The following ZMYM2 variants were observed in gnomAD, a reference collection of about 807,000 sequenced individuals.
The protein encoded by ZMYM2 is zinc finger MYM-type containing 2, also known as zinc finger MYM-type protein 2.
In ZMYM2, 56 loss-of-function variants were observed where a neutral mutation model predicts 162.8. That is an observed-to-expected ratio of 0.34 (90% confidence interval 0.28 to 0.43). The LOEUF is 0.43. ZMYM2 is among the 20% of genes least tolerant of loss of function. The pLI is 1.00. For synonymous variants in ZMYM2, 510 were observed against 541.6 expected, an observed-to-expected ratio of 0.94 and a Z score of 0.81; for missense variants, 1,275 against 1,621.8, an observed-to-expected ratio of 0.79 and a Z score of 3.67.
At chr13:20,052,176 T>C (rs1414940045) in intron 13 of ZMYM2, 101 bp from the exon 14 acceptor site, 1 of 947,594 alleles carries the variant, frequency 1.1e-6, no homozygotes, top group South Asian at 1.9e-5. Flanking sequence ...ATATTTTCTT[T>C]AGTCACATTT....
the ZMYM2 span, chr13:19,864,812 C>G: frequency 1.3e-5 from 2 of 152,360 alleles, no homozygotes; most frequent in South Asian, 4.1e-4. Context: ...AGGGCGGGCC[C>G]CACAGGCCAC....
chr13:20,059,391 C>T, intron 15 of ZMYM2, 56 bp from the exon 16 acceptor site: 1 of 1,570,288 alleles, frequency 6.4e-7, no homozygotes, highest in Non-Finnish European at 8.6e-7. Flanking sequence ...TAACATTGAG[C>T]ACCTGTATAT....
intron 2 of ZMYM2, among the ~76,000 whole-genome samples, chr13:19,976,731 T>C (rs1956829964): frequency 6.6e-6 from 1 of 152,240 alleles, no homozygotes; most frequent in Non-Finnish European, 1.5e-5. Flanking sequence ...ATAGCGTGTG[T>C]CAGAATTTTC....
chr13:19,972,547 T>C (rs1318130930), intron 2 of ZMYM2, among the ~76,000 whole-genome samples: 1 of 152,140 alleles, frequency 6.6e-6, no homozygotes, highest in Non-Finnish European at 1.5e-5. Flanking sequence ...TGTCGTGAAG[T>C]ATTTAATGGC....
At chr13:19,931,307 A>G in the ZMYM2 span, among the ~76,000 whole-genome samples, 1 of 152,018 alleles carries the variant, frequency 6.6e-6, no homozygotes. Context: ...TCAGTTGAAC[A>G]TACAACTCAT....
At chr13:20,053,396 C>T (rs1212875388) in intron 14 of ZMYM2, among the ~76,000 whole-genome samples, 1 of 152,186 alleles carries the variant, frequency 6.6e-6, no homozygotes, top group African/African-American at 2.4e-5. Context: ...CACGATGGCT[C>T]ACGCCTGTAA....
chr13:19,995,206 ACATAT>A (rs1949927244), intron 3 of ZMYM2, among the ~76,000 whole-genome samples: 1 of 152,062 alleles, frequency 6.6e-6, no homozygotes, highest in Non-Finnish European at 1.5e-5. Context: ...AGAAAGCCAA[ACATAT>A]CATCCTTTTT....
chr13:20,049,329 T>TA (rs944258012), intron 12 of ZMYM2, among the ~76,000 whole-genome samples: 16 of 151,964 alleles, frequency 1.1e-4, no homozygotes, highest in African/African-American at 3.6e-4. Context: ...GTTGATTCTA[T>TA]AAAAACCAAG....
chr13:20,082,897 C>T lies in ZMYM2; in HGVS notation c.3685C>T (p.Leu1229=). The change falls in exon 23 of 25, where the codon CTG becomes TTG. Residue 1229 remains leucine (L), a synonymous_variant. Coordinates refer to ENST00000610343, the MANE Select transcript of ZMYM2 (RefSeq NM_197968.4). The part of the protein sequence containing the change: ...LFYFNTKYFG[L]KTVEQHLRLS... ...CTACTTTAACACTAAGTATTTTGGCCTGAAAACAGTGGAACAACACTTAAG... is the reference window on the plus strand; with the variant it reads ...CTACTTTAACACTAAGTATTTTGGCTTGAAAACAGTGGAACAACACTTAAG... 2 of 1,613,812 alleles carry T rather than the reference C, an allele frequency of 1.2e-6. No homozygotes were observed. The highest frequency in any genetic ancestry group is 1.6e-4 in the Middle Eastern group (1 of 6,062).
chr13:19,950,594 A>G, the ZMYM2 span, among the ~76,000 whole-genome samples: 1 of 152,194 alleles, frequency 6.6e-6, no homozygotes, highest in Non-Finnish European at 1.5e-5. Flanking sequence ...CTTTAACTTT[A>G]CTTTTTCTAC....
chr13:20,071,010 C>T (rs9506422), intron 21 of ZMYM2: 147,091 of 152,844 alleles, frequency 0.96, 71,032 homozygotes, highest in East Asian at 1. Context: ...TCTGGAAGAA[C>T]TTGCACTGCC....
At chr13:20,004,012 T>C (rs1950569520) in intron 4 of ZMYM2, among the ~76,000 whole-genome samples, 1 of 152,188 alleles carries the variant, frequency 6.6e-6, no homozygotes, top group Non-Finnish European at 1.5e-5. Flanking sequence ...GTATGTTATA[T>C]GCAAGGTAAA....
intron 9 of ZMYM2, among the ~76,000 whole-genome samples, chr13:20,030,534 T>G (rs570268180): frequency 2.0e-4 from 30 of 151,912 alleles, no homozygotes; most frequent in East Asian, 5.8e-4. Flanking sequence ...GAGTAGCTGG[T>G]ACTACAGGCA....
chr13:19,957,592 T>TC (rs942751434), upstream of ZMYM2, among the ~76,000 whole-genome samples: 92 of 152,088 alleles, frequency 6.0e-4, no homozygotes, highest in African/African-American at 2.1e-3. Flanking sequence ...CTGACTCCGC[T>TC]CCCCCCGGCG....
chr13:19,955,507 A>C (rs1954484918), upstream of ZMYM2, among the ~76,000 whole-genome samples: 1 of 152,198 alleles, frequency 6.6e-6, no homozygotes, highest in Non-Finnish European at 1.5e-5. Context: ...TGGCTCTTTA[A>C]GCTGTGCTCA....
At chr13:20,021,606 C>T (rs947092809) in intron 7 of ZMYM2, among the ~76,000 whole-genome samples, 1 of 152,008 alleles carries the variant, frequency 6.6e-6, no homozygotes, top group South Asian at 2.1e-4. Flanking sequence ...TTCATACTAC[C>T]GCGGTGATAC....
chr13:20,074,119 G>A (rs868794715), intron 21 of ZMYM2, among the ~76,000 whole-genome samples: 48 of 151,592 alleles, frequency 3.2e-4, no homozygotes, highest in African/African-American at 1.1e-3. Context: ...TGCAGTATTT[G>A]TCCTTTTTAG....
At chr13:19,928,360 T>C in the ZMYM2 span, among the ~76,000 whole-genome samples, 1 of 152,118 alleles carries the variant, frequency 6.6e-6, no homozygotes, top group Non-Finnish European at 1.5e-5. Context: ...GTCAGGTAAG[T>C]GTGTCAAAAA....
chr13:19,939,404 G>A, the ZMYM2 span, among the ~76,000 whole-genome samples: 1 of 152,026 alleles, frequency 6.6e-6, no homozygotes, highest in Admixed American at 6.6e-5. Flanking sequence ...TTATATATAT[G>A]TTTCTGTATA....
Sources: allele counts gnomAD v4.1 joint callset (sites outside exome capture counted in the v4.1 genomes callset), GRCh38; gene constraint gnomAD v4.1.1; transcripts MANE v1.5; gene names NCBI Gene and HGNC (gene_info 2026-07-23, HGNC 2026-07-21).